GRID2: variants seen among roughly 807,000 people sequenced by gnomAD.
GRID2 encodes glutamate receptor ionotropic, delta-2.
Under a neutral mutation model 114.8 loss-of-function variants are expected in GRID2, and 33 were observed. That is an observed-to-expected ratio of 0.29 (90% CI 0.22 to 0.38). The LOEUF is 0.38. Ranked by LOEUF, GRID2 falls within the 10% of genes least tolerant of loss-of-function variation. The probability of loss-of-function intolerance (pLI) is 1.00; values close to 1 mark genes in which losing one functional copy is unlikely to be tolerated. For synonymous variants in GRID2, 505 were observed against 449.9 expected, an observed-to-expected ratio of 1.12 and a Z score of -1.55; for missense variants, 1,184 against 1,257.7, an observed-to-expected ratio of 0.94 and a Z score of 0.89.
At chr4:93,104,884 C>G (rs1480146026) in intron 3 of GRID2, among the ~76,000 whole-genome samples, 2 of 152,048 alleles carry the variant, frequency 1.3e-5, no homozygotes, top group Non-Finnish European at 2.9e-5. Flanking sequence ...AATCGCCACA[C>G]TGACTTCCAC....
intron 2 of GRID2, among the ~76,000 whole-genome samples, chr4:93,024,178 T>A (rs1005927684): frequency 1.3e-5 from 2 of 151,786 alleles, no homozygotes; most frequent in Non-Finnish European, 3.0e-5. Context: ...CTTACTAAGA[T>A]CATTTTTGCT....
In GRID2 at chr4:93,259,884, T is replaced by TCTA. The variant is rs1434524388; in HGVS notation, c.1245+21397_1245+21399dup. On this transcript the variant is annotated intron_variant, in intron 8 of 15. Transcript: ENST00000282020. ...GGCATGTGTTAAAAATATGTACATT[T>TCTA]CTACTGCCTTTGCTATTAGTAAAGC... Among the ~76,000 whole-genome samples, 4 of 151,926 alleles carry TCTA rather than the reference T, an allele frequency of 2.6e-5. No individual in the cohort carries two copies. In the East Asian group the frequency reaches 7.7e-4, roughly 29 times the overall value.
At chr4:93,171,883 T>C (rs1052595888) in intron 4 of GRID2, among the ~76,000 whole-genome samples, 8 of 152,344 alleles carry the variant, frequency 5.3e-5, no homozygotes, top group Admixed American at 2.0e-4. Context: ...CATAGCTTCA[T>C]ATGACCAGAG....
chr4:92,674,717 T>G (rs969188842), intron 2 of GRID2, among the ~76,000 whole-genome samples: 2 of 152,098 alleles, frequency 1.3e-5, no homozygotes, highest in African/African-American at 4.8e-5. Flanking sequence ...GAGATGGGGT[T>G]TCACCATCTT....
At chr4:92,942,569 A>G (rs757217536) in intron 2 of GRID2, among the ~76,000 whole-genome samples, 11 of 152,224 alleles carry the variant, frequency 7.2e-5, no homozygotes, top group Non-Finnish European at 1.5e-4. Flanking sequence ...TCCCATTTAC[A>G]TTTAAGGTTC....
chr4:92,382,130 T>G (rs1456837190), intron 1 of GRID2, among the ~76,000 whole-genome samples: 2 of 152,012 alleles, frequency 1.3e-5, no homozygotes, highest in Non-Finnish European at 2.9e-5. Flanking sequence ...GAGATTGATA[T>G]TAAAGATTTG....
chr4:93,068,693 CAA>C (rs5860304), intron 2 of GRID2, among the ~76,000 whole-genome samples: 1 of 148,494 alleles, frequency 6.7e-6, no homozygotes, highest in African/African-American at 2.5e-5. Context: ...TTCCTATTTA[CAA>C]AAAAAAAAAT....
At chr4:93,763,241 G>A (rs974286832) in intron 14 of GRID2, among the ~76,000 whole-genome samples, 1 of 152,122 alleles carries the variant, frequency 6.6e-6, no homozygotes, top group Non-Finnish European at 1.5e-5. Context: ...AGGGAAAAGA[G>A]AAGAAATGGG....
intron 2 of GRID2, among the ~76,000 whole-genome samples, chr4:92,928,965 C>G (rs1445168882): frequency 6.6e-6 from 1 of 151,362 alleles, no homozygotes; most frequent in Non-Finnish European, 1.5e-5. Flanking sequence ...CACCCCACCC[C>G]CAAATGAAGC....
chr4:92,843,004 C>CA (rs1560631891), intron 2 of GRID2, among the ~76,000 whole-genome samples: 1 of 151,978 alleles, frequency 6.6e-6, no homozygotes, highest in Admixed American at 6.6e-5. Context: ...TTTGGCAGGC[C>CA]AAGGCTGGAG....
chr4:93,802,457 C>G (rs969195592), intron 1 of GRID2, among the ~76,000 whole-genome samples: 4 of 151,894 alleles, frequency 2.6e-5, no homozygotes, highest in African/African-American at 4.8e-5. Context: ...TAAAAAGGAG[C>G]AGATTTCATG....
At position 93,196,820 on chromosome 4, in the gene GRID2, G is replaced by A. The variant is rs577649117; in HGVS notation, c.736-10584G>A. Among the ~76,000 whole-genome samples the A allele has an allele frequency of 2.0e-4, 30 of 152,202 alleles. 1 individual carries two copies. The South Asian group carries it at 6.2e-3, about 32-fold the overall frequency. On this transcript the variant is annotated intron_variant, in intron 4 of 15. Transcript: ENST00000282020. ...TCTGGTGGCAATGGGAAGTTTCGTT[G>A]TGATGAAAGAACAGTAACAGATAAC...
intron 2 of GRID2, among the ~76,000 whole-genome samples, chr4:92,948,447 C>T (rs1751801636): frequency 6.6e-6 from 1 of 151,694 alleles, no homozygotes; most frequent in Admixed American, 6.6e-5. Context: ...TAAATACATG[C>T]ATTATTGTTA....
intron 9 of GRID2, among the ~76,000 whole-genome samples, chr4:93,405,017 A>G (rs1015355765): frequency 1.3e-5 from 2 of 152,110 alleles, no homozygotes; most frequent in African/African-American, 4.8e-5. Flanking sequence ...GTAATATTGT[A>G]TGATGTAAAT....
chr4:92,617,986 G>A (rs983702901), intron 2 of GRID2, among the ~76,000 whole-genome samples: 1 of 151,504 alleles, frequency 6.6e-6, no homozygotes, highest in African/African-American at 2.4e-5. Flanking sequence ...GCTGTTAATT[G>A]TTTCCTTTGC....
At chr4:92,406,426 A>G (rs909771320) in intron 1 of GRID2, among the ~76,000 whole-genome samples, 12 of 152,186 alleles carry the variant, frequency 7.9e-5, no homozygotes, top group Non-Finnish European at 7.3e-5. Context: ...ATTTCATTTT[A>G]GAAAACATGT....
At chr4:92,800,218 C>A (rs891432828) in intron 2 of GRID2, among the ~76,000 whole-genome samples, 1 of 151,728 alleles carries the variant, frequency 6.6e-6, no homozygotes, top group East Asian at 2.0e-4. Flanking sequence ...GGACTTCACC[C>A]TTCTGAAGTT....
At chr4:92,611,248 G>A (rs1237181039) in intron 2 of GRID2, among the ~76,000 whole-genome samples, 1 of 151,332 alleles carries the variant, frequency 6.6e-6, no homozygotes, top group African/African-American at 2.4e-5. Flanking sequence ...TACAGTTCTG[G>A]AGTCTGAGAA....
At chr4:92,859,039 C>A (rs1001872134) in intron 2 of GRID2, among the ~76,000 whole-genome samples, 1 of 152,118 alleles carries the variant, frequency 6.6e-6, no homozygotes, top group Admixed American at 6.5e-5. Flanking sequence ...GAAAATCCTA[C>A]TACGGGTAAA....
Sources: allele counts gnomAD v4.1 joint callset (sites outside exome capture counted in the v4.1 genomes callset), GRCh38; gene constraint gnomAD v4.1.1; transcripts MANE v1.5; gene names NCBI Gene and HGNC (gene_info 2026-07-23, HGNC 2026-07-21).